Variants in RPH3A observed in about 807,000 individuals in gnomAD.
RPH3A encodes the protein rabphilin-3A.
A neutral mutation model predicts 102.2 loss-of-function variants in RPH3A; 48 were observed. The ratio of observed to expected loss-of-function variants is 0.47; its 90% CI spans 0.37 to 0.60. The LOEUF (loss-of-function observed/expected upper bound fraction) is 0.60. Among genes scored for constraint, RPH3A ranks in the 20% least tolerant of loss-of-function variants. RPH3A has a pLI of 0.00. For missense variants in RPH3A, 781 were observed against 910.1 expected (o/e 0.86, Z 1.83); for synonymous variants, 310 against 324.3 (o/e 0.96, Z 0.47).
chr12:112,806,569 T>C (rs895664994), intron 2 of RPH3A, among the ~76,000 whole-genome samples: 2 of 151,776 alleles, frequency 1.3e-5, no homozygotes, highest in Non-Finnish European at 2.9e-5. Context: ...GTGGAGGTTG[T>C]AATGAGTCGA....
intron 2 of RPH3A, among the ~76,000 whole-genome samples, chr12:112,823,953 A>G (rs2041824569): frequency 6.6e-6 from 1 of 152,230 alleles, no homozygotes; most frequent in Non-Finnish European, 1.5e-5. Flanking sequence ...CTAAGTGACC[A>G]CTAGGGGTGA....
intron 1 of RPH3A, among the ~76,000 whole-genome samples, chr12:112,609,604 T>C (rs1434066313): frequency 6.6e-6 from 1 of 152,210 alleles, no homozygotes; most frequent in Admixed American, 6.5e-5. Flanking sequence ...CTTCCCCTCC[T>C]CTGCTACCTT....
intron 1 of RPH3A, among the ~76,000 whole-genome samples, chr12:112,679,574 C>T (rs961346345): frequency 1.3e-5 from 2 of 152,158 alleles, no homozygotes; most frequent in East Asian, 3.8e-4. Context: ...TACAGGCGTG[C>T]ACCACCACGC....
chr12:112,819,764 T>C (rs1487462951), intron 2 of RPH3A, among the ~76,000 whole-genome samples: 2 of 152,254 alleles, frequency 1.3e-5, no homozygotes, highest in East Asian at 3.8e-4. Flanking sequence ...AGGACAGCCT[T>C]AGCAGCTTGG....
At chr12:112,788,757 T>G (rs1018122981), upstream of RPH3A, among the ~76,000 whole-genome samples, 1 of 152,176 alleles carries the variant, frequency 6.6e-6, no homozygotes, top group East Asian at 1.9e-4. Flanking sequence ...GAGAAATTCT[T>G]TGGGATTGGA....
intron 1 of RPH3A, among the ~76,000 whole-genome samples, chr12:112,585,750 A>G (rs2039434899): frequency 6.6e-6 from 1 of 152,094 alleles, no homozygotes; most frequent in Admixed American, 6.5e-5. Context: ...GAAAAAAAAA[A>G]GTTGGTTAAA....
At chr12:112,803,576 C>T (rs866465639) in intron 2 of RPH3A, among the ~76,000 whole-genome samples, 10 of 151,610 alleles carry the variant, frequency 6.6e-5, no homozygotes, top group Admixed American at 2.6e-4. Context: ...CCAGTTTACA[C>T]TGTCTACTTA....
In RPH3A at chr12:112,653,206, C is replaced by T. The variant is rs11066372; in HGVS notation, c.-140+77887C>T. The stretch of plus-strand genomic sequence containing the variant: ...AGGAGTTCGAGACCAGCCTGGTCAA[C>T]GGTGAAACCCCATCGCTACTAAAAA... On this transcript the variant is annotated intron_variant, in intron 1 of 21. Coordinates refer to the RPH3A transcript ENST00000543106. Among the ~76,000 whole-genome samples, 34 of 151,812 alleles carry T rather than the reference C, an allele frequency of 2.2e-4. 1 individual carries two copies. In the East Asian group the frequency reaches 5.0e-3, roughly 23 times the overall value.
chr12:112,858,644 C>A (rs2042455479), intron 5 of RPH3A, among the ~76,000 whole-genome samples: 1 of 152,216 alleles, frequency 6.6e-6, no homozygotes, highest in Non-Finnish European at 1.5e-5. Flanking sequence ...ACTTGAACGC[C>A]AGCTCCATGA....
At chr12:112,578,874 T>A (rs944157760) in intron 1 of RPH3A, among the ~76,000 whole-genome samples, 14 of 152,176 alleles carry the variant, frequency 9.2e-5, no homozygotes, top group African/African-American at 3.1e-4. Context: ...GGGCAATCAT[T>A]ACCATGAAAA....
intron 1 of RPH3A, among the ~76,000 whole-genome samples, chr12:112,757,030 T>C (rs1237080939): frequency 6.6e-6 from 1 of 152,260 alleles, no homozygotes; most frequent in African/African-American, 2.4e-5. Flanking sequence ...GTGTGTTTTC[T>C]TTTCTATGAA....
At chr12:112,859,050 C>A (rs757425834) in intron 5 of RPH3A, among the ~76,000 whole-genome samples, 1 of 152,140 alleles carries the variant, frequency 6.6e-6, no homozygotes, top group South Asian at 2.1e-4. Context: ...GCTAATTGGG[C>A]ACTTAATGTG....
chr12:112,644,892 TAA>T (rs1324786599), intron 1 of RPH3A, among the ~76,000 whole-genome samples: 36 of 152,144 alleles, frequency 2.4e-4, no homozygotes, highest in Non-Finnish European at 4.4e-5. Context: ...AAACTGAAAA[TAA>T]AATCAACACG....
chr12:112,711,135 G>A (rs992724839), intron 1 of RPH3A, among the ~76,000 whole-genome samples: 1 of 152,302 alleles, frequency 6.6e-6, no homozygotes, highest in African/African-American at 2.4e-5. Context: ...GATGAGGTCT[G>A]TACACACCCT....
intron 1 of RPH3A, among the ~76,000 whole-genome samples, chr12:112,774,746 G>T (rs934368191): frequency 2.0e-4 from 31 of 152,034 alleles, no homozygotes; most frequent in Non-Finnish European, 7.4e-5. Context: ...ATGGACACAG[G>T]GAGGGGAACA....
intron 5 of RPH3A, among the ~76,000 whole-genome samples, chr12:112,853,005 G>T (rs1409776864): frequency 6.6e-6 from 1 of 152,180 alleles, no homozygotes; most frequent in African/African-American, 2.4e-5. Context: ...CATTAACCTT[G>T]GCATCCAGAC....
intron 2 of RPH3A, among the ~76,000 whole-genome samples, chr12:112,801,499 G>T (rs559839619): frequency 6.6e-6 from 1 of 152,330 alleles, no homozygotes; most frequent in African/African-American, 2.4e-5. Flanking sequence ...TCATCTGAAC[G>T]ATGGATAAGT....
chr12:112,736,793 T>G (rs1376520825), intron 1 of RPH3A, among the ~76,000 whole-genome samples: 1 of 152,116 alleles, frequency 6.6e-6, no homozygotes, highest in Non-Finnish European at 1.5e-5. Flanking sequence ...CAGGCAGACA[T>G]GGATAGGTGG....
intron 5 of RPH3A, among the ~76,000 whole-genome samples, chr12:112,848,444 C>T (rs571593621): frequency 2.0e-5 from 3 of 152,288 alleles, no homozygotes; most frequent in South Asian, 2.1e-4. Flanking sequence ...TCCAAGAACC[C>T]GGGGTCCCAT....
Sources: allele counts gnomAD v4.1 joint callset (sites outside exome capture counted in the v4.1 genomes callset), GRCh38; gene constraint gnomAD v4.1.1; transcripts MANE v1.5; gene names NCBI Gene and HGNC (gene_info 2026-07-23, HGNC 2026-07-21).